The following CLVS1 variants were observed in gnomAD, a reference collection of about 807,000 sequenced individuals.
The protein encoded by CLVS1 is clavesin-1.
CLVS1 carries 10 observed loss-of-function variants against 33.1 expected under a neutral mutation model. The observed-to-expected ratio is 0.30, with a 90% CI of 0.19 to 0.51. The LOEUF (loss-of-function observed/expected upper bound fraction) is 0.51, where lower values mean the gene tolerates loss of function less well. Among genes scored for constraint, CLVS1 ranks in the 20% least tolerant of loss-of-function variants. The pLI is 0.97. For missense variants in CLVS1, 343 were observed against 433.4 expected (o/e 0.79, Z 1.85); for synonymous variants, 163 against 166.1 (o/e 0.98, Z 0.14).
At chr8:61,024,843 C>CT in the CLVS1 span, among the ~76,000 whole-genome samples, 3 of 151,434 alleles carry the variant, frequency 2.0e-5, no homozygotes, top group Admixed American at 6.6e-5. Context: ...TTTTTCTTTT[C>CT]TTTTTTTTCT....
chr8:61,192,724 C>T (rs540972219), intron 2 of CLVS1, among the ~76,000 whole-genome samples: 2 of 152,296 alleles, frequency 1.3e-5, no homozygotes, highest in South Asian at 2.1e-4. Context: ...TGAACAGACT[C>T]TTCTCAAAAT....
At position 61,325,126 on chromosome 8, in the gene CLVS1, G is replaced by T. The variant is rs192010303; in HGVS notation, c.455+24844G>T. Reference sequence around the variant, plus strand: ...GGTTTATTATTCTCCTTGGCAATTTGTTCTGTCCTCTGGGCTCCTGGTTCT... The same window carrying T: ...GGTTTATTATTCTCCTTGGCAATTTTTTCTGTCCTCTGGGCTCCTGGTTCT... On this transcript the variant is annotated intron_variant, in intron 2 of 5. Transcript: ENST00000325897. Among the ~76,000 whole-genome samples the T allele has an allele frequency of 2.2e-4, 34 of 152,106 alleles. 1 individual carries two copies. In the East Asian group the frequency reaches 6.6e-3, roughly 29 times the overall value.
intron 1 of CLVS1, chr8:61,292,121 T>C (rs1229740222): frequency 6.8e-6 from 2 of 294,188 alleles, no homozygotes. Context: ...AGAAAAGTTT[T>C]TTTTTTTTTA....
intron 1 of CLVS1, among the ~76,000 whole-genome samples, chr8:61,114,328 G>A (rs1805680101): frequency 6.6e-6 from 1 of 152,154 alleles, no homozygotes; most frequent in South Asian, 2.1e-4. Flanking sequence ...AACAGCAAAG[G>A]ATCTTGATGA....
chr8:61,396,162 T>C lies in CLVS1; in HGVS notation c.630+19383T>C, dbSNP rs558943242. Among the ~76,000 whole-genome samples, 4 of 152,208 alleles carry C rather than the reference T, an allele frequency of 2.6e-5. No individual in the cohort carries two copies. The South Asian group carries it at 6.2e-4, about 24-fold the overall frequency. On this transcript the variant is annotated intron_variant, in intron 3 of 5. Transcript: ENST00000325897. ...CTGCTTTGATTTGGGACTTCATTAG[T>C]TGTTTGCCAGAGGACAAAACAGTTT...
intron 1 of CLVS1, among the ~76,000 whole-genome samples, chr8:61,121,094 C>T (rs958226336): frequency 3.3e-5 from 5 of 151,550 alleles, no homozygotes; most frequent in South Asian, 2.1e-4. Context: ...TTTTTAAGCC[C>T]GTGGGAAAAG....
chr8:61,290,645 G>T (rs543791984), intron 1 of CLVS1, among the ~76,000 whole-genome samples: 1 of 152,238 alleles, frequency 6.6e-6, no homozygotes, highest in African/African-American at 2.4e-5. Context: ...ACAACTTGAC[G>T]TACTCCCTGA....
intron 2 of CLVS1, among the ~76,000 whole-genome samples, chr8:61,316,706 C>A (rs1042423602): frequency 6.6e-6 from 1 of 152,224 alleles, no homozygotes; most frequent in African/African-American, 2.4e-5. Flanking sequence ...CACACATACA[C>A]ATACAATTGA....
chr8:61,222,215 T>C (rs937184086), intron 2 of CLVS1, among the ~76,000 whole-genome samples: 1 of 152,154 alleles, frequency 6.6e-6, no homozygotes, highest in African/African-American at 2.4e-5. Context: ...ATTTCTTGTC[T>C]TTTGCTACCT....
At chr8:61,015,194 T>C in the CLVS1 span, among the ~76,000 whole-genome samples, 18 of 152,250 alleles carry the variant, frequency 1.2e-4, no homozygotes, top group Non-Finnish European at 2.5e-4. Context: ...AAGCTTGTAG[T>C]AGGTGCTTTA....
At chr8:61,035,264 G>A in the CLVS1 span, among the ~76,000 whole-genome samples, 1 of 150,298 alleles carries the variant, frequency 6.7e-6, no homozygotes, top group Non-Finnish European at 1.5e-5. Context: ...GGTTTGAGGG[G>A]AGAGTCTGAA....
chr8:61,045,386 C>T, the CLVS1 span, among the ~76,000 whole-genome samples: 2 of 152,198 alleles, frequency 1.3e-5, no homozygotes, highest in Admixed American at 6.5e-5. Flanking sequence ...TCACCTATAA[C>T]ATCTCTTTGG....
At chr8:61,409,521 A>G (rs1457401585) in intron 3 of CLVS1, among the ~76,000 whole-genome samples, 2 of 152,218 alleles carry the variant, frequency 1.3e-5, no homozygotes, top group South Asian at 2.1e-4. Flanking sequence ...CATTAAATAA[A>G]TGTACCACAA....
chr8:61,075,399 C>A (rs1477763603), intron 1 of CLVS1, among the ~76,000 whole-genome samples: 1 of 152,212 alleles, frequency 6.6e-6, no homozygotes, highest in East Asian at 1.9e-4. Flanking sequence ...TAAGCACCCT[C>A]CAGTGTTGAC....
In CLVS1 at chr8:61,144,131, A is replaced by G. The variant is rs553187944; in HGVS notation, c.-152+12271A>G. Among the ~76,000 whole-genome samples the G allele has an allele frequency of 5.9e-5, 9 of 152,088 alleles. No homozygotes were observed. The South Asian group carries it at 8.3e-4, about 14-fold the overall frequency. ...TTTGTTACATAGGTATACACATCCC[A>G]TGGTGGTTTGCTGCACCCATCAACC... On this transcript the variant is annotated intron_variant, in intron 2 of 2. Transcript: ENST00000522621.
rs1563389429 is a variant in CLVS1, at chr8:61,064,536, C to CTTTTTTTT, written c.-243+7306_-243+7307insTTTTTTTT. On this transcript the variant is annotated intron_variant, in intron 1 of 2. Transcript: ENST00000522621. ...GAAATGTCTATTCAAGTTCTTTGCC[C>CTTTTTTTT]ATTTTTTTTTTTTTTTTTTTTGAGA... Among the ~76,000 whole-genome samples, 2 of 141,444 alleles carry CTTTTTTTT rather than the reference C, an allele frequency of 1.4e-5. 1 individual carries two copies. 92.8% of individuals were successfully genotyped at this position (141,444 alleles called of 152,430 possible).
chr8:61,433,839 A>G (rs1216522309), intron 3 of CLVS1, among the ~76,000 whole-genome samples: 2 of 152,086 alleles, frequency 1.3e-5, no homozygotes, highest in Non-Finnish European at 2.9e-5. Flanking sequence ...GCTTAAACCC[A>G]GGAAGTGGAG....
chr8:61,206,809 G>A (rs1807855506), intron 2 of CLVS1, among the ~76,000 whole-genome samples: 1 of 151,966 alleles, frequency 6.6e-6, no homozygotes, highest in African/African-American at 2.4e-5. Context: ...GGATGGTCTC[G>A]ATCTCCTGAC....
At chr8:61,177,441 A>T (rs61450091) in intron 2 of CLVS1, among the ~76,000 whole-genome samples, 1 of 152,160 alleles carries the variant, frequency 6.6e-6, no homozygotes, top group South Asian at 2.1e-4. Flanking sequence ...GACGAGTAAG[A>T]TTCCCCCCAG....
Sources: allele counts gnomAD v4.1 joint callset (sites outside exome capture counted in the v4.1 genomes callset), GRCh38; gene constraint gnomAD v4.1.1; transcripts MANE v1.5; gene names NCBI Gene and HGNC (gene_info 2026-07-23, HGNC 2026-07-21).